Variants in CUBN observed in about 807,000 individuals in gnomAD.
The protein encoded by CUBN is 460 kDa receptor.
CUBN carries 282 observed loss-of-function variants against 405.3 expected under a neutral mutation model. The observed-to-expected ratio is 0.70, with a 90% CI of 0.63 to 0.77. The LOEUF (loss-of-function observed/expected upper bound fraction) is 0.77. Ranked by LOEUF, CUBN falls within the 30% of genes least tolerant of loss-of-function variation. The probability of loss-of-function intolerance (pLI) is 0.00; values close to 1 mark genes in which losing one functional copy is unlikely to be tolerated. For synonymous variants in CUBN, 1,684 were observed against 1,617.0 expected (o/e 1.04, Z -0.99); for missense variants, 4,514 against 4,475.2 (o/e 1.01, Z -0.25).
Position 16,990,488 on chromosome 10 carries a change from G to A in CUBN, c.4196C>T (p.Thr1399Ile). 1 of 1,614,182 alleles carries A rather than the reference G, an allele frequency of 6.2e-7. No homozygotes were observed. Among genetic ancestry groups the A allele is most frequent in the Non-Finnish European group, 8.5e-7 (1 of 1,180,026 alleles). Residue 1399 changes from threonine (T) to isoleucine (I), a missense_variant, in exon 29 of 67, where the codon ACA becomes ATA. Thr to Ile is a moderately conservative substitution (Grantham distance 89). Transcript: ENST00000377833. ...YGCGGELSGA[T>I]GSFSSPGFPN... ...GAACCCGGGGCTGCTGAAGGAGCCT[G>A]TGGCCCCAGACAGCTCTCCACCACA... is the stretch of plus-strand genomic sequence containing the variant.
intron 59 of CUBN, among the ~76,000 whole-genome samples, chr10:16,856,788 C>T (rs994969460): frequency 6.6e-6 from 1 of 152,152 alleles, no homozygotes; most frequent in Non-Finnish European, 1.5e-5. Flanking sequence ...TTCAGGCCCT[C>T]TCCTGTTTCC....
At position 16,990,321 on chromosome 10, in the gene CUBN, T is replaced by C. The variant is rs555604310; in HGVS notation, c.4350+13A>G. 1 of 1,613,960 alleles carries C rather than the reference T, an allele frequency of 6.2e-7. No homozygotes were observed. Among genetic ancestry groups the C allele is most frequent in the East Asian group, 2.2e-5 (1 of 44,880 alleles). ...ACTTTGGAATGTGCTGAAAAAACCA[T>C]CTCACTTCCTACCTCCAAGACATCA... On this transcript the variant is annotated intron_variant, in intron 29 of 66. Transcript: ENST00000377833.
chr10:17,071,822 C>A lies in CUBN; in HGVS notation c.2446+5G>T. 1 of 1,611,262 alleles carries A rather than the reference C, an allele frequency of 6.2e-7. No individual in the cohort carries two copies. Among genetic ancestry groups the A allele is most frequent in the Non-Finnish European group, 8.5e-7 (1 of 1,179,324 alleles). ...TAGACATTTAAAAATTATATGTTTC[C>A]TTACCGACTTGATAAACAGCTCTGA... is the stretch of plus-strand genomic sequence containing the variant. On this transcript the variant is annotated splice_donor_5th_base_variant and intron_variant, in intron 18 of 66. Coordinates refer to ENST00000377833, the MANE Select transcript of CUBN (RefSeq NM_001081.4).
intron 60 of CUBN, among the ~76,000 whole-genome samples, chr10:16,847,324 C>T (rs1216306779): frequency 3.3e-5 from 5 of 151,818 alleles, no homozygotes; most frequent in African/African-American, 7.2e-5. Context: ...TGGTGGCGGG[C>T]GCCTGTAGTC....
At chr10:16,906,441 T>G (rs780056072) in intron 49 of CUBN, 32 bp from the exon 50 acceptor site, 24 of 1,479,978 alleles carry the variant, frequency 1.6e-5, no homozygotes, top group Non-Finnish European at 2.2e-5. Context: ...GAGAAAGTAG[T>G]AGTAAGATTC....
intron 28 of CUBN, among the ~76,000 whole-genome samples, chr10:16,995,909 G>A (rs966425278): frequency 6.6e-6 from 1 of 152,040 alleles, no homozygotes; most frequent in Admixed American, 6.6e-5. Flanking sequence ...ATGATGTCAG[G>A]CCCATTGTAG....
rs141753472 is a variant in CUBN, at chr10:17,090,683, T to C, written c.1766-2338A>G. Among the ~76,000 whole-genome samples, 44 of 152,060 alleles carry C rather than the reference T, an allele frequency of 2.9e-4. No individual in the cohort carries two copies. In the East Asian group the frequency reaches 7.9e-3, roughly 27 times the overall value. Reference sequence around the variant, plus strand: ...AAAAGAACAAAGAAATCTTAAATGGTTTCCAGTTATCATACCATTAGTAAT... The same window carrying C: ...AAAAGAACAAAGAAATCTTAAATGGCTTCCAGTTATCATACCATTAGTAAT... On this transcript the variant is annotated intron_variant, in intron 14 of 66. Transcript: ENST00000377833.
chr10:16,899,887 C>T (rs1354624854), intron 53 of CUBN, among the ~76,000 whole-genome samples: 1 of 152,208 alleles, frequency 6.6e-6, no homozygotes, highest in Non-Finnish European at 1.5e-5. Flanking sequence ...TTCATAATAA[C>T]TGTGACTCTA....
At chr10:17,001,300 T>C (rs1489578724) in intron 28 of CUBN, among the ~76,000 whole-genome samples, 1 of 152,192 alleles carries the variant, frequency 6.6e-6, no homozygotes, top group African/African-American at 2.4e-5. Context: ...CCCCAGTGGA[T>C]TGCCACTGGT....
At chr10:17,120,668 T>A (rs1277334966) in intron 6 of CUBN, among the ~76,000 whole-genome samples, 2 of 152,214 alleles carry the variant, frequency 1.3e-5, no homozygotes, top group Admixed American at 6.5e-5. Flanking sequence ...GATAAAGAAC[T>A]CTAACCTCTG....
intron 60 of CUBN, among the ~76,000 whole-genome samples, chr10:16,846,916 A>T (rs902442540): frequency 6.6e-6 from 1 of 152,006 alleles, no homozygotes; most frequent in African/African-American, 2.4e-5. Flanking sequence ...CTGGTTCCAT[A>T]CTTCCTGGCA....
intron 31 of CUBN, among the ~76,000 whole-genome samples, chr10:16,955,374 C>CA (rs59365817): frequency 0.014 from 951 of 68,390 alleles, 9 homozygotes; most frequent in Non-Finnish European, 0.02. Context: ...GATTCTGTCT[C>CA]AAAAAAAAAA....
chr10:17,087,475 T>TTTTTC (rs1836143807), intron 15 of CUBN, among the ~76,000 whole-genome samples: 1 of 99,150 alleles, frequency 1.0e-5, no homozygotes, highest in Non-Finnish European at 2.0e-5. Flanking sequence ...TCTTTTTCTT[T>TTTTTC]TTTTTTTTTT....
intron 55 of CUBN, among the ~76,000 whole-genome samples, chr10:16,889,618 A>C (rs1840931142): frequency 6.6e-6 from 1 of 152,134 alleles, no homozygotes; most frequent in South Asian, 2.1e-4. Context: ...AAAACATGCA[A>C]GACCGGCCGG....
chr10:17,064,740 C>T (rs1448832299), intron 22 of CUBN, among the ~76,000 whole-genome samples: 1 of 152,138 alleles, frequency 6.6e-6, no homozygotes, highest in East Asian at 1.9e-4. Context: ...TGGTTCACAT[C>T]TTACCTCAAA....
intron 54 of CUBN, among the ~76,000 whole-genome samples, chr10:16,893,770 G>T (rs1377867372): frequency 1.3e-5 from 2 of 152,120 alleles, no homozygotes; most frequent in African/African-American, 4.8e-5. Flanking sequence ...TTCACCTGTT[G>T]AAAGGCCTTA....
chr10:16,860,058 T>C (rs1172519239), intron 59 of CUBN, among the ~76,000 whole-genome samples: 1 of 152,084 alleles, frequency 6.6e-6, no homozygotes, highest in Non-Finnish European at 1.5e-5. Context: ...TCACAGGATG[T>C]ATAAATAATA....
chr10:16,857,579 T>C (rs539552267), intron 59 of CUBN, among the ~76,000 whole-genome samples: 27 of 152,332 alleles, frequency 1.8e-4, no homozygotes, highest in Admixed American at 5.9e-4. Flanking sequence ...CAAAATGACA[T>C]GATCATGTCA....
At chr10:16,837,534 A>T (rs1312972886) in intron 62 of CUBN, among the ~76,000 whole-genome samples, 1 of 152,070 alleles carries the variant, frequency 6.6e-6, no homozygotes, top group Non-Finnish European at 1.5e-5. Context: ...TGAACCCTTT[A>T]GAGGTTTCTG....
Sources: gnomAD v4.1 joint callset for allele counts (sites outside exome capture counted in the v4.1 genomes callset) on GRCh38, gnomAD v4.1.1 for gene constraint, MANE v1.5 for transcripts, NCBI Gene and HGNC (gene_info 2026-07-23, HGNC 2026-07-21) for gene names.